The following LOXHD1 variants were observed in gnomAD, a reference collection of about 807,000 sequenced individuals.
The protein encoded by LOXHD1 is lipoxygenase homology PLAT domains 1.
A neutral mutation model predicts 248.2 loss-of-function variants in LOXHD1; 205 were observed. The ratio of observed to expected loss-of-function variants is 0.83; its 90% CI spans 0.74 to 0.93. The LOEUF (loss-of-function observed/expected upper bound fraction) is 0.93, where lower values mean the gene tolerates loss of function less well. Ranked by LOEUF, LOXHD1 falls within the 40% of genes least tolerant of loss-of-function variation. LOXHD1 has a pLI of 0.00. For missense variants in LOXHD1, 2,930 were observed against 2,971.6 expected (o/e 0.99, Z 0.33); for synonymous variants, 1,113 against 1,162.8 (o/e 0.96, Z 0.87).
chr18:46,655,552 G>A (rs2039169513), intron 1 of LOXHD1, among the ~76,000 whole-genome samples: 1 of 152,150 alleles, frequency 6.6e-6, no homozygotes, highest in Admixed American at 6.5e-5. Context: ...CTCACAAGAG[G>A]GTCAGAGCTT....
chr18:46,505,014 T>C (rs2034470210), intron 37 of LOXHD1, among the ~76,000 whole-genome samples: 1 of 152,158 alleles, frequency 6.6e-6, no homozygotes, highest in Non-Finnish European at 1.5e-5. Context: ...ACCAAAGAAA[T>C]GTTGAGAACA....
At chr18:46,528,349 AAG>A (rs2035914664) in intron 29 of LOXHD1, among the ~76,000 whole-genome samples, 1 of 152,044 alleles carries the variant, frequency 6.6e-6, no homozygotes. Context: ...GCATGACAGA[AAG>A]GGCACAGACT....
chr18:46,631,336 G>T (rs2038819436), intron 4 of LOXHD1, among the ~76,000 whole-genome samples: 1 of 152,184 alleles, frequency 6.6e-6, no homozygotes, highest in Non-Finnish European at 1.5e-5. Flanking sequence ...AGTCTTGGTG[G>T]CTCATCTTGG....
intron 5 of LOXHD1, among the ~76,000 whole-genome samples, chr18:46,614,718 T>TAATA (rs67053766): frequency 0.025 from 3,734 of 149,826 alleles, 105 homozygotes; most frequent in African/African-American, 0.07. Context: ...TAAAGTATAA[T>TAATA]AATAAATAAA....
chr18:46,489,088 TC>T lies in LOXHD1; in HGVS notation c.5932del (p.Asp1978ThrfsTer45), dbSNP rs1467666247. 6.4e-7 allele frequency: 1 copy of T among 1,551,658 alleles called. No individual in the cohort carries two copies. The highest frequency in any genetic ancestry group is 1.2e-5 in the South Asian group (1 of 84,048). ...GTCACACTGGAAGTGGAAGGTCTCG[TC>T]GCGGGAGTTGTCCTTCACATCGACA... ...SYVDVKDNSRDETFHFQCDCW... is the reference protein window; with the variant it reads ...SYVDVKDNSRXETFHFQCDCW... On this transcript the variant is annotated frameshift_variant, in exon 38 of 41. Coordinates refer to ENST00000642948, the MANE Select transcript of LOXHD1 (RefSeq NM_001384474.1). LOFTEE classifies it high-confidence loss of function.
chr18:46,601,388 A>G lies in LOXHD1; in HGVS notation c.963T>C (p.Tyr321=). ...GTKSKIYLVM[Y]GARGNKNSGK... is the part of the protein sequence containing the mutation. The stretch of plus-strand genomic sequence containing the variant: ...CACTGTTCTTATTCCCTCTGGCCCC[A>G]TACATGACCAAGTAGATTTTGGATT... Residue 321 remains tyrosine, a synonymous_variant, in exon 8 of 41, where the codon TAT becomes TAC. Transcript: ENST00000642948. The G allele has an allele frequency of 2.6e-6, 4 of 1,551,694 alleles. No homozygotes were observed. The highest frequency in any genetic ancestry group is 3.5e-6 in the Non-Finnish European group (4 of 1,146,986).
At chr18:46,634,864 G>T (rs1599065427) in intron 4 of LOXHD1, among the ~76,000 whole-genome samples, 1 of 152,288 alleles carries the variant, frequency 6.6e-6, no homozygotes, top group East Asian at 1.9e-4. Context: ...AGAGATTGAT[G>T]GTGGTGACGG....
At chr18:46,617,945 T>C (rs189706329) in intron 5 of LOXHD1, among the ~76,000 whole-genome samples, 3 of 152,196 alleles carry the variant, frequency 2.0e-5, no homozygotes, top group East Asian at 1.9e-4. Flanking sequence ...TGCAGGACAA[T>C]TGCAATCAAC....
At position 46,546,977 on chromosome 18, in the gene LOXHD1, C is replaced by G. The variant is rs1170738394; in HGVS notation, c.3432G>C (p.Glu1144Asp). The change falls in exon 22 of 41, where the codon GAG becomes GAC. Residue 1144 changes from glutamate (E) to aspartate (D), a missense_variant. Physicochemically the swap from Glu to Asp is conservative, Grantham distance 45. Coordinates refer to ENST00000642948, the MANE Select transcript of LOXHD1 (RefSeq NM_001384474.1). ...QLSRELLPVD[E>D]SYVLPQSEEG... Reference sequence around the variant, plus strand: ...CCTCGCTCTGTGGCAGCACATAGGACTCATCCACTGGCAACAGCTCCCTGG... The same window carrying G: ...CCTCGCTCTGTGGCAGCACATAGGAGTCATCCACTGGCAACAGCTCCCTGG... 6.4e-7 allele frequency: 1 copy of G among 1,551,774 alleles called. No individual in the cohort carries two copies. Among genetic ancestry groups the G allele is most frequent in the Admixed American group, 2.0e-5 (1 of 51,010 alleles).
At position 46,657,125 on chromosome 18, in the gene LOXHD1, G is replaced by A; in HGVS notation, c.-92C>T. ...TGAGACCTCCTCCCTGAGCTCTGGCGCCCACGGCCCTCCTATAGCTCAGGC... is the reference window on the plus strand; with the variant it reads ...TGAGACCTCCTCCCTGAGCTCTGGCACCCACGGCCCTCCTATAGCTCAGGC... On this transcript the variant is annotated 5_prime_UTR_variant, in exon 1 of 41. Transcript: ENST00000642948. 6.5e-7 allele frequency: 1 copy of A among 1,541,304 alleles called. No individual in the cohort carries two copies. Among genetic ancestry groups the A allele is most frequent in the Non-Finnish European group, 8.8e-7 (1 of 1,142,138 alleles).
At position 46,509,768 on chromosome 18, in the gene LOXHD1, A is replaced by G. The variant is rs552360561; in HGVS notation, c.5447T>C (p.Ile1816Thr). The stretch of plus-strand genomic sequence containing the variant: ...GATCCGCATCTTGGTGAATGGAGCA[A>G]TGTCTAGGATCTCCATGATGAAGGT... ...NDTFIMEILD[I>T]APFTKMRIRI... Residue 1816 changes from isoleucine (I) to threonine (T), a missense_variant, in exon 35 of 41, where the codon ATT (isoleucine) becomes ACT (threonine). By Grantham distance (89) the Ile-to-Thr change is moderately conservative. Transcript: ENST00000642948. 1.3e-6 allele frequency: 2 copies of G among 1,494,282 alleles called. No homozygotes were observed. The highest frequency in any genetic ancestry group is 2.4e-5 in the South Asian group (2 of 83,246). 92.6% of individuals were successfully genotyped at this position (1,494,282 alleles called of 1,614,324 possible).
At position 46,563,747 on chromosome 18, in the gene LOXHD1, C is replaced by A. The variant is rs76148093; in HGVS notation, c.2438-522G>T. On this transcript the variant is annotated intron_variant, in intron 17 of 40. Coordinates refer to ENST00000642948, the MANE Select transcript of LOXHD1 (RefSeq NM_001384474.1). ...AAAGAGGTGACTAGTTTAAATGAGA[C>A]CCCCAAGGGCAGGCCCTAATCCAAG... Among the ~76,000 whole-genome samples, 1,289 of 152,176 alleles carry A rather than the reference C, an allele frequency of 8.5e-3. 10 individuals carry two copies. Among genetic ancestry groups the A allele is most frequent in the Non-Finnish European group, 0.012 (827 of 68,022 alleles).
intron 4 of LOXHD1, among the ~76,000 whole-genome samples, chr18:46,619,025 A>T (rs906808570): frequency 6.6e-6 from 1 of 152,130 alleles, no homozygotes; most frequent in Non-Finnish European, 1.5e-5. Flanking sequence ...ACTTGACATG[A>T]TGAGACCTGC....
At chr18:46,561,171 C>T (rs778528470) in intron 18 of LOXHD1, among the ~76,000 whole-genome samples, 3 of 152,216 alleles carry the variant, frequency 2.0e-5, no homozygotes, top group Non-Finnish European at 4.4e-5. Flanking sequence ...CCTGACTGCC[C>T]CTTCCCCAAG....
intron 15 of LOXHD1, among the ~76,000 whole-genome samples, chr18:46,571,622 T>C (rs2037753693): frequency 2.0e-5 from 3 of 152,234 alleles, no homozygotes; most frequent in South Asian, 2.1e-4. Flanking sequence ...GAGGTGTTGG[T>C]AATGTCAAGG....
intron 24 of LOXHD1, among the ~76,000 whole-genome samples, chr18:46,542,277 T>G (rs1430789424): frequency 6.6e-6 from 1 of 152,108 alleles, no homozygotes; most frequent in Admixed American, 6.5e-5. Flanking sequence ...CAAACAGAAC[T>G]CAGGGATGCC....
At chr18:46,510,055 G>A (rs1411421503) in intron 34 of LOXHD1, among the ~76,000 whole-genome samples, 1 of 152,176 alleles carries the variant, frequency 6.6e-6, no homozygotes, top group Non-Finnish European at 1.5e-5. Flanking sequence ...ATCAGTGCTG[G>A]GTTCTAATCT....
chr18:46,486,905 G>A (rs2033097506), intron 38 of LOXHD1, among the ~76,000 whole-genome samples: 1 of 152,190 alleles, frequency 6.6e-6, no homozygotes, highest in Non-Finnish European at 1.5e-5. Flanking sequence ...GGTCTTTTGA[G>A]AGGAAGTTTC....
intron 8 of LOXHD1, among the ~76,000 whole-genome samples, chr18:46,597,905 C>T (rs1484940307): frequency 7.9e-5 from 12 of 151,020 alleles, no homozygotes; most frequent in Admixed American, 2.6e-4. Flanking sequence ...AGGCGCCCGC[C>T]GCCACACCTG....
Sources: gnomAD v4.1 joint callset for allele counts (sites outside exome capture counted in the v4.1 genomes callset) on GRCh38, gnomAD v4.1.1 for gene constraint, MANE v1.5 for transcripts, NCBI Gene and HGNC (gene_info 2026-07-23, HGNC 2026-07-21) for gene names.